Variants in ACTR3C observed in about 807,000 individuals in gnomAD.
ACTR3C encodes the protein actin related protein 3C.
A neutral mutation model predicts 26.3 loss-of-function variants in ACTR3C; 18 were observed. That is an observed-to-expected ratio of 0.68 (90% CI 0.47 to 1.01). The LOEUF (loss-of-function observed/expected upper bound fraction) is 1.01. ACTR3C is among the 50% of genes least tolerant of loss of function. The pLI is 0.00. For missense variants in ACTR3C, 184 were observed against 250.7 expected, an observed-to-expected ratio of 0.73 and a Z score of 1.80; for synonymous variants, 55 against 94.5, an observed-to-expected ratio of 0.58 and a Z score of 2.42.
chr7:149,992,983 C>T, the ACTR3C span, among the ~76,000 whole-genome samples: 3 of 151,806 alleles, frequency 2.0e-5, no homozygotes, highest in African/African-American at 7.3e-5. Context: ...GGCGGAGGAA[C>T]CGGGAGTCTG....
chr7:149,976,768 T>C, the ACTR3C span, among the ~76,000 whole-genome samples: 2 of 152,106 alleles, frequency 1.3e-5, no homozygotes. Flanking sequence ...ACTCTCAATA[T>C]TTGGAATATT....
intron 2 of ACTR3C, among the ~76,000 whole-genome samples, chr7:150,293,700 C>G (rs1836482260): frequency 6.6e-6 from 1 of 152,186 alleles, no homozygotes; most frequent in Non-Finnish European, 1.5e-5. Context: ...CTTTGGGAGG[C>G]CAAGGTAGGC....
chr7:150,185,892 T>A, the ACTR3C span, among the ~76,000 whole-genome samples: 1 of 152,172 alleles, frequency 6.6e-6, no homozygotes, highest in African/African-American at 2.4e-5. Context: ...CAAGAATATC[T>A]TCTATTGCTA....
the ACTR3C span, among the ~76,000 whole-genome samples, chr7:150,131,455 C>T: frequency 5.9e-5 from 9 of 151,632 alleles, no homozygotes; most frequent in Admixed American, 2.0e-4. Flanking sequence ...TAAAGCAGCT[C>T]GAACAAAACT....
At chr7:149,971,471 T>C in the ACTR3C span, among the ~76,000 whole-genome samples, 1 of 152,232 alleles carries the variant, frequency 6.6e-6, no homozygotes, top group Non-Finnish European at 1.5e-5. Context: ...TTACACATCA[T>C]TTCATTAGGT....
At chr7:150,109,579 G>A in the ACTR3C span, among the ~76,000 whole-genome samples, 2 of 149,740 alleles carry the variant, frequency 1.3e-5, no homozygotes, top group Non-Finnish European at 1.5e-5. Flanking sequence ...TGGCCTTTAC[G>A]GCATAAGGGA....
At chr7:150,221,942 G>A in the ACTR3C span, among the ~76,000 whole-genome samples, 1 of 146,314 alleles carries the variant, frequency 6.8e-6, no homozygotes, top group Admixed American at 6.9e-5. Context: ...ATCTTGCAGT[G>A]AGCCGAGATG....
intron 1 of ACTR3C, among the ~76,000 whole-genome samples, chr7:150,321,247 A>AT (rs917580201): frequency 4.6e-5 from 7 of 152,122 alleles, no homozygotes; most frequent in Non-Finnish European, 8.8e-5. Context: ...GTTAAGCCTG[A>AT]TTTTTTTGCC....
At chr7:150,046,348 C>CCCCT in the ACTR3C span, among the ~76,000 whole-genome samples, 1 of 18,682 alleles carries the variant, frequency 5.4e-5, no homozygotes, top group Admixed American at 3.3e-4. Context: ...TGTCTCACCG[C>CCCCT]CCCCCCCCCC....
the ACTR3C span, among the ~76,000 whole-genome samples, chr7:150,084,973 G>A: frequency 2.0e-5 from 3 of 152,124 alleles, no homozygotes; most frequent in Admixed American, 1.3e-4. Context: ...AGATGGGATC[G>A]ATGAGGCTTG....
At chr7:150,263,500 G>A (rs1159311352) in intron 6 of ACTR3C, among the ~76,000 whole-genome samples, 2 of 146,738 alleles carry the variant, frequency 1.4e-5, no homozygotes, top group Non-Finnish European at 3.0e-5. Context: ...GATTAAGTAA[G>A]AAGTCTCAAA....
the ACTR3C span, among the ~76,000 whole-genome samples, chr7:150,213,280 G>A: frequency 6.6e-6 from 1 of 152,202 alleles, no homozygotes; most frequent in African/African-American, 2.4e-5. Context: ...AAAGGGGCAG[G>A]AAAAGGACCT....
At chr7:150,033,506 T>A in the ACTR3C span, among the ~76,000 whole-genome samples, 1 of 152,186 alleles carries the variant, frequency 6.6e-6, no homozygotes, top group Admixed American at 6.5e-5. Flanking sequence ...TCCACAGTAC[T>A]CCAGGTGGGT....
chr7:150,265,432 GC>G (rs1833959483), intron 6 of ACTR3C, among the ~76,000 whole-genome samples: 1 of 151,712 alleles, frequency 6.6e-6, no homozygotes, highest in African/African-American at 2.4e-5. Context: ...GATGGCTTAT[GC>G]CTGTAATCTC....
At chr7:150,156,702 G>A in the ACTR3C span, among the ~76,000 whole-genome samples, 3 of 152,166 alleles carry the variant, frequency 2.0e-5, no homozygotes, top group Admixed American at 6.5e-5. Context: ...ATAAACACTA[G>A]TTAGGCAAAT....
chr7:150,278,610 C>T (rs1459425070), intron 6 of ACTR3C, among the ~76,000 whole-genome samples: 1 of 152,258 alleles, frequency 6.6e-6, no homozygotes, highest in Non-Finnish European at 1.5e-5. Flanking sequence ...GCTCCGCCAT[C>T]CACATCTCCA....
At chr7:149,963,927 G>A in the ACTR3C span, among the ~76,000 whole-genome samples, 1 of 152,164 alleles carries the variant, frequency 6.6e-6, no homozygotes, top group African/African-American at 2.4e-5. Context: ...AAAGAGACAT[G>A]CATGAATCCA....
the ACTR3C span, among the ~76,000 whole-genome samples, chr7:150,108,043 T>G: frequency 1.3e-5 from 2 of 150,860 alleles, no homozygotes; most frequent in Non-Finnish European, 3.0e-5. Context: ...TCTGATAGCC[T>G]GGAATTGACA....
rs181690167 is a variant in ACTR3C, at chr7:150,272,459, T to C, written c.564+12294A>G. Among the ~76,000 whole-genome samples the C allele has an allele frequency of 1.3e-3, 178 of 139,772 alleles. 35 individuals are homozygous for C. Among genetic ancestry groups the C allele is most frequent in the Non-Finnish European group, 4.8e-4 (32 of 67,210 alleles). 91.7% of individuals were successfully genotyped at this position (139,772 alleles called of 152,430 possible). ...CTCAAGTGACTATCCAGAACTACTA[T>C]GATGGCTTAAATGTGGCTTACAGGC... is the stretch of plus-strand genomic sequence containing the variant. On this transcript the variant is annotated intron_variant, in intron 6 of 7. Transcript: ENST00000683684.
Sources: gnomAD v4.1 joint callset for allele counts (sites outside exome capture counted in the v4.1 genomes callset) on GRCh38, gnomAD v4.1.1 for gene constraint, MANE v1.5 for transcripts, NCBI Gene and HGNC (gene_info 2026-07-23, HGNC 2026-07-21) for gene names.